The following SPATA31C2 variants were observed in gnomAD, a reference collection of about 807,000 sequenced individuals.
SPATA31C2 encodes the protein spermatogenesis-associated protein 31C2.
In SPATA31C2, 5 loss-of-function variants were observed where a neutral mutation model predicts 11.4. The ratio of observed to expected loss-of-function variants is 0.44; its 90% CI spans 0.23 to 0.92. The LOEUF (loss-of-function observed/expected upper bound fraction) is 0.92. Among genes scored for constraint, SPATA31C2 ranks in the 40% least tolerant of loss-of-function variants. The pLI, the probability that SPATA31C2 is intolerant of heterozygous loss-of-function variation, is 0.24. For synonymous variants in SPATA31C2, 515 were observed against 538.7 expected, an observed-to-expected ratio of 0.96 and a Z score of 0.61; for missense variants, 1,353 against 1,368.6, an observed-to-expected ratio of 0.99 and a Z score of 0.18.
chr9:88,131,257 C>T lies in SPATA31C2; in HGVS notation c.1780G>A (p.Val594Met), dbSNP rs146157051. The change falls in exon 4 of 4, where the codon GTG becomes ATG. Residue 594 changes from valine (V) to methionine (M), a missense_variant. Val to Met is a conservative substitution (Grantham distance 21). Coordinates refer to ENST00000324915, the MANE Select transcript of SPATA31C2 (RefSeq NM_001350978.3). ...LGQTNEGLIPVSVRRSWLAVN... is the reference protein window; with the variant it reads ...LGQTNEGLIPMSVRRSWLAVN... ...GCAAGCCAGGATCGACGCACACTCA[C>T]GGGGATCAAGCCCTCGTTGGTCTGG... is the stretch of plus-strand genomic sequence containing the variant. 806 of 1,611,864 alleles carry T rather than the reference C, an allele frequency of 5.0e-4. 3 individuals are homozygous for T. The African/African-American group carries it at 8.6e-3, about 17-fold the overall frequency.
chr9:88,135,227 G>T (rs920507867), intron 1 of SPATA31C2, among the ~76,000 whole-genome samples: 1 of 123,148 alleles, frequency 8.1e-6, no homozygotes, highest in African/African-American at 3.6e-5. Context: ...TTTCTCCCTG[G>T]AACACAGATA....
rs776465891 is a variant in SPATA31C2 at position 88,132,313 on chromosome 9, T to G, written c.724A>C (p.Thr242Pro). 1.9e-6 allele frequency: 3 copies of G among 1,610,626 alleles called. No homozygotes were observed. In the East Asian group the frequency reaches 6.7e-5, roughly 36 times the overall value. The stretch of plus-strand genomic sequence containing the variant: ...GCCACTGAGTCACAGTGAGATGGTG[T>G]TAACAGAGTGGAGTCCCGCAGGGGA... ...PPPLRDSTLLTPSHCDSVALP... is the reference protein window; with the variant it reads ...PPPLRDSTLLPPSHCDSVALP... The change falls in exon 4 of 4, where the codon ACA becomes CCA. Residue 242 changes from threonine (T) to proline (P), a missense_variant. Thr to Pro is a conservative substitution (Grantham distance 38). Transcript: ENST00000324915.
Position 88,131,411 on chromosome 9 carries a change from C to A in SPATA31C2, c.1626G>T (p.Ala542=), listed in dbSNP as rs149069834. Residue 542 remains alanine, a synonymous_variant, in exon 4 of 4, where the codon GCG becomes GCT. Coordinates refer to ENST00000324915, the MANE Select transcript of SPATA31C2 (RefSeq NM_001350978.3). ...MESFPGKVLG[A]TSEESERNLR... is the part of the protein sequence containing the mutation. ...GGTTCCTTTCCGACTCCTCAGAGGTCGCCCCCAGAACCTTCCCTGGGAAGC... is the reference window on the plus strand; with the variant it reads ...GGTTCCTTTCCGACTCCTCAGAGGTAGCCCCCAGAACCTTCCCTGGGAAGC... 1.9e-6 allele frequency: 3 copies of A among 1,611,854 alleles called. No homozygotes were observed. Among genetic ancestry groups the A allele is most frequent in the Admixed American group, 1.7e-5 (1 of 59,990 alleles).
chr9:88,132,503 G>T lies in SPATA31C2; in HGVS notation c.534C>A (p.Gly178=). 2.5e-6 allele frequency: 4 copies of T among 1,610,918 alleles called. No individual in the cohort carries two copies. The highest frequency in any genetic ancestry group is 3.4e-6 in the Non-Finnish European group (4 of 1,177,944). The change falls in exon 4 of 4, where the codon GGC becomes GGA. Residue 178 remains glycine, a synonymous_variant. Coordinates refer to ENST00000324915, the MANE Select transcript of SPATA31C2 (RefSeq NM_001350978.3). ...GGGAGGAGACTGAGGTGGTCATTGG[G>T]CCTGGTGGTGGGGTGGAGGCCAGAT... ...PQDLASTPPP[G]PMTTSVSSLS...
rs150150446 is a variant in SPATA31C2 at position 88,132,108 on chromosome 9, C to G, written c.929G>C (p.Arg310Pro). Residue 310 changes from arginine to proline, a missense_variant, in exon 4 of 4, where the codon CGC becomes CCC. By Grantham distance (103) the Arg-to-Pro change is moderately radical. Transcript: ENST00000324915. ...NSSVQQDHLS[R>P]QRDTTMSPLL... is the part of the protein sequence containing the mutation. ...TGGGGACATTGTAGTGTCCCTTTGG[C>G]GGGAAAGATGATCTTGCTGGACTGA... 1.2e-6 allele frequency: 2 copies of G among 1,610,448 alleles called. No homozygotes were observed. Among genetic ancestry groups the G allele is most frequent in the African/African-American group, 2.7e-5 (2 of 74,836 alleles).
Position 88,131,270 on chromosome 9 carries a change from C to T in SPATA31C2, c.1767G>A (p.Glu589=). Residue 589 remains glutamate (E), a synonymous_variant, in exon 4 of 4, where the codon GAG becomes GAA. Coordinates refer to ENST00000324915, the MANE Select transcript of SPATA31C2 (RefSeq NM_001350978.3). ...GACGCACACTCACGGGGATCAAGCC[C>T]TCGTTGGTCTGGCCCAACTTTCTGC... The part of the protein sequence containing the change: ...HMSRKLGQTN[E]GLIPVSVRRS... 2 of 1,611,858 alleles carry T rather than the reference C, an allele frequency of 1.2e-6. No homozygotes were observed. Among genetic ancestry groups the T allele is most frequent in the South Asian group, 1.1e-5 (1 of 90,980 alleles).
At position 88,130,858 on chromosome 9, in the gene SPATA31C2, T is replaced by G; in HGVS notation, c.2179A>C (p.Met727Leu). The change falls in exon 4 of 4, where the codon ATG (methionine) becomes CTG (leucine). Residue 727 changes from methionine to leucine, a missense_variant. Around this residue, in one of 6 missense-constraint regions of SPATA31C2, gnomAD observed 1,075 missense variants for 992.8 expected, o/e 1.08. Coordinates refer to ENST00000324915, the MANE Select transcript of SPATA31C2 (RefSeq NM_001350978.3). ...GAGGAGGCCTGAAGCCTCTCTGGCA[T>G]GTGAACAGATGGTTTGGTCAGCACC... ...KQVLTKPSVH[M>L]PERLQASSPA... 1 of 1,613,672 alleles carries G rather than the reference T, an allele frequency of 6.2e-7. No individual in the cohort carries two copies. The highest frequency in any genetic ancestry group is 8.5e-7 in the Non-Finnish European group (1 of 1,179,876).
At chr9:88,133,741 T>C in intron 1 of SPATA31C2, 72 bp from the exon 2 acceptor site, 5 of 1,500,190 alleles carry the variant, frequency 3.3e-6, no homozygotes, top group Middle Eastern at 1.9e-4. Context: ...CGCAGCACGC[T>C]GCACTCATGA....
chr9:88,132,057 G>A lies in SPATA31C2; in HGVS notation c.980C>T (p.Ser327Phe). 1 of 1,610,846 alleles carries A rather than the reference G, an allele frequency of 6.2e-7. No homozygotes were observed. Among genetic ancestry groups the A allele is most frequent in the Non-Finnish European group, 8.5e-7 (1 of 1,177,680 alleles). The change falls in exon 4 of 4, where the codon TCC becomes TTC. Residue 327 changes from serine (S) to phenylalanine (F), a missense_variant. By Grantham distance (155) the Ser-to-Phe change is radical. Around this residue, in one of 6 missense-constraint regions of SPATA31C2, gnomAD observed 1,075 missense variants for 992.8 expected, o/e 1.08. Transcript: ENST00000324915. ...SPLLFQAQPL[S>F]HLEPESQPFI... ...GGGTTGGGACTCAGGCTCCAGATGG[G>A]ACAGGGGCTGGGCCTGGAAAAGCAG...
In SPATA31C2 at chr9:88,131,265, A is replaced by C. The variant is rs1490959157; in HGVS notation, c.1772T>G (p.Leu591Trp). The C allele has an allele frequency of 6.2e-7, 1 of 1,611,860 alleles. No individual in the cohort carries two copies. The highest frequency in any genetic ancestry group is 1.1e-5 in the South Asian group (1 of 90,976). Residue 591 changes from leucine (L) to tryptophan (W), a missense_variant, in exon 4 of 4, where the codon TTG (leucine) becomes TGG (tryptophan). Around this residue, in one of 6 missense-constraint regions of SPATA31C2, gnomAD observed 1,075 missense variants for 992.8 expected, o/e 1.08. Coordinates refer to ENST00000324915, the MANE Select transcript of SPATA31C2 (RefSeq NM_001350978.3). ...GGATCGACGCACACTCACGGGGATC[A>C]AGCCCTCGTTGGTCTGGCCCAACTT... is the stretch of plus-strand genomic sequence containing the variant. ...SRKLGQTNEGLIPVSVRRSWL... is the reference protein window; with the variant it reads ...SRKLGQTNEGWIPVSVRRSWL...
Position 88,131,828 on chromosome 9 carries a change from C to T in SPATA31C2, c.1209G>A (p.Lys403=). 4 of 1,611,522 alleles carry T rather than the reference C, an allele frequency of 2.5e-6. No homozygotes were observed. The highest frequency in any genetic ancestry group is 3.4e-6 in the Non-Finnish European group (4 of 1,179,526). The change falls in exon 4 of 4, where the codon AAG becomes AAA. Residue 403 remains lysine (K), a synonymous_variant. Transcript: ENST00000324915. ...AAGCCAACCCACCTTCTAGTTGTTTCTTCAACAAAGGCCTTTCAGGGTGCT... is the reference window on the plus strand; with the variant it reads ...AAGCCAACCCACCTTCTAGTTGTTTTTTCAACAAAGGCCTTTCAGGGTGCT... ...ETQHPERPLL[K]KQLEGGLALP...
intron 1 of SPATA31C2, among the ~76,000 whole-genome samples, chr9:88,136,983 C>G (rs1337016500): frequency 7.7e-6 from 1 of 130,360 alleles, no homozygotes; most frequent in Admixed American, 8.9e-5. Flanking sequence ...GCAATAATCC[C>G]TCTGAATAAC....
rs1204878389 is a variant in SPATA31C2 at position 88,130,686 on chromosome 9, C to G, written c.2351G>C (p.Ser784Thr). 6.2e-7 allele frequency: 1 copy of G among 1,613,802 alleles called. No homozygotes were observed. Among genetic ancestry groups the G allele is most frequent in the South Asian group, 1.1e-5 (1 of 91,078 alleles). Residue 784 changes from serine to threonine, a missense_variant, in exon 4 of 4, where the codon AGC becomes ACC. Coordinates refer to ENST00000324915, the MANE Select transcript of SPATA31C2 (RefSeq NM_001350978.3). ...TYSLTGSTQQ[S>T]RSLGAQSSRA... Reference sequence around the variant, plus strand: ...TGAAGATTGGGCTCCTAAGCTCCTGCTCTGCTGGGTGCTGCCTGTGAGGCT... The same window carrying G: ...TGAAGATTGGGCTCCTAAGCTCCTGGTCTGCTGGGTGCTGCCTGTGAGGCT...
Position 88,131,331 on chromosome 9 carries a change from C to G in SPATA31C2, c.1706G>C (p.Arg569Thr), listed in dbSNP as rs149832500. 0.038 allele frequency: 61,055 copies of G among 1,611,912 alleles called. 1,359 individuals carry two copies. Among genetic ancestry groups the G allele is most frequent in the Non-Finnish European group, 0.042 (49,044 of 1,179,868 alleles). ...SGSDLLRRTE[R>T]NHIENILKAH... ...TTTCAGGATGTTTTCTATATGATTC[C>G]TCTCTGTGCGTCTTAATAAATCACT... Residue 569 changes from arginine (R) to threonine (T), a missense_variant, in exon 4 of 4, where the codon AGG becomes ACG. Physicochemically the swap from Arg to Thr is moderately conservative, Grantham distance 71. Transcript: ENST00000324915.
chr9:88,129,905 G>A lies in SPATA31C2; in HGVS notation c.3132C>T (p.Cys1044=), dbSNP rs376922641. The change falls in exon 4 of 4, where the codon TGC becomes TGT. Residue 1044 remains cysteine, a synonymous_variant. Coordinates refer to ENST00000324915, the MANE Select transcript of SPATA31C2 (RefSeq NM_001350978.3). The part of the protein sequence containing the change: ...ESQKTVKNRS[C]VYGSSAEAER... Reference sequence around the variant, plus strand: ...CAGCTTCAGCACTGCTGCCGTACACGCATGATCTGTTTTTTACTGTTTTTT... The same window carrying A: ...CAGCTTCAGCACTGCTGCCGTACACACATGATCTGTTTTTTACTGTTTTTT... The A allele has an allele frequency of 4.9e-5, 79 of 1,606,190 alleles. 2 individuals carry two copies. The highest frequency in any genetic ancestry group is 2.8e-4 in the Admixed American group (17 of 59,680).
Position 88,130,617 on chromosome 9 carries a change from G to T in SPATA31C2, c.2420C>A (p.Pro807His). ...GTTTGCTCTCATACAGGTTCCCAAG[G>T]GGACTGTGGGTTGTGGCACTGCCTC... ...TREAVPQPTV[P>H]LGTCMRANLQ... The change falls in exon 4 of 4, where the codon CCC becomes CAC. Residue 807 changes from proline to histidine, a missense_variant. Pro to His is a moderately conservative substitution (Grantham distance 77, BLOSUM62 -2). Transcript: ENST00000324915. 2 of 1,613,660 alleles carry T rather than the reference G, an allele frequency of 1.2e-6. No individual in the cohort carries two copies. Among genetic ancestry groups the T allele is most frequent in the Non-Finnish European group, 1.7e-6 (2 of 1,179,760 alleles).
Position 88,131,556 on chromosome 9 carries a change from G to A in SPATA31C2, c.1481C>T (p.Ser494Phe), listed in dbSNP as rs771887112. ...GKPRPWQSSTSTGESSKEAQT... is the reference protein window; with the variant it reads ...GKPRPWQSSTFTGESSKEAQT... Reference sequence around the variant, plus strand: ...TGCCTCCTTGCTGCTTTCACCTGTGGACGTGGAGGACTGCCAGGGCCTGGG... The same window carrying A: ...TGCCTCCTTGCTGCTTTCACCTGTGAACGTGGAGGACTGCCAGGGCCTGGG... The change falls in exon 4 of 4, where the codon TCC becomes TTC. Residue 494 changes from serine (S) to phenylalanine (F), a missense_variant. Physicochemically the swap from Ser to Phe is radical, Grantham distance 155. Around this residue, in one of 6 missense-constraint regions of SPATA31C2, gnomAD observed 1,075 missense variants for 992.8 expected, o/e 1.08. Coordinates refer to ENST00000324915, the MANE Select transcript of SPATA31C2 (RefSeq NM_001350978.3). The A allele has an allele frequency of 6.2e-7, 1 of 1,611,724 alleles. No homozygotes were observed. The highest frequency in any genetic ancestry group is 2.2e-5 in the East Asian group (1 of 44,838).
chr9:88,129,684 G>A lies in SPATA31C2; in HGVS notation c.3353C>T (p.Thr1118Ile). 2.5e-6 allele frequency: 4 copies of A among 1,603,690 alleles called. No homozygotes were observed. Among genetic ancestry groups the A allele is most frequent in the Non-Finnish European group, 3.4e-6 (4 of 1,173,362 alleles). The change falls in exon 4 of 4, where the codon ACT (threonine) becomes ATT (isoleucine). Residue 1118 changes from threonine (T) to isoleucine (I), a missense_variant. Coordinates refer to ENST00000324915, the MANE Select transcript of SPATA31C2 (RefSeq NM_001350978.3). ...LSYAASSQQA[T>I]LKNQSRPNRD... The stretch of plus-strand genomic sequence containing the variant: ...GTTGGGACGACTCTGGTTCTTGAGA[G>A]TGGCTTGTTGACTGCTGGCTGCATA...
Position 88,131,448 on chromosome 9 carries a change from C to T in SPATA31C2, c.1589G>A (p.Arg530Lys). 1.2e-6 allele frequency: 2 copies of T among 1,611,944 alleles called. No individual in the cohort carries two copies. The highest frequency in any genetic ancestry group is 8.5e-7 in the Non-Finnish European group (1 of 1,179,852). Residue 530 changes from arginine to lysine, a missense_variant, in exon 4 of 4, where the codon AGG (arginine) becomes AAG (lysine). Coordinates refer to ENST00000324915, the MANE Select transcript of SPATA31C2 (RefSeq NM_001350978.3). ...ILGETPQNLSRGMESFPGKVL... is the reference protein window; with the variant it reads ...ILGETPQNLSKGMESFPGKVL... ...CTTCCCTGGGAAGCTTTCCATGCCC[C>T]TGGATAGATTTTGTGGGGTCTCACC...
Sources: gnomAD v4.1 joint callset for allele counts (sites outside exome capture counted in the v4.1 genomes callset) on GRCh38, gnomAD v4.1.1 for gene constraint, gnomAD v4.1.1 regional missense constraint, MANE v1.5 for transcripts, NCBI Gene and HGNC (gene_info 2026-07-23, HGNC 2026-07-21) for gene names.